The following TAF4B variants were observed in gnomAD, a reference collection of about 807,000 sequenced individuals.
TAF4B encodes the protein transcription initiation factor TFIID subunit 4B.
TAF4B carries 38 observed loss-of-function variants against 86.4 expected under a neutral mutation model. The ratio of observed to expected loss-of-function variants is 0.44; its 90% CI spans 0.34 to 0.58. The LOEUF (loss-of-function observed/expected upper bound fraction) is 0.58. Ranked by LOEUF, TAF4B falls within the 20% of genes least tolerant of loss-of-function variation. TAF4B has a pLI of 0.02. For synonymous variants in TAF4B, 388 were observed against 391.2 expected, an observed-to-expected ratio of 0.99 and a Z score of 0.10; for missense variants, 988 against 1,027.6, an observed-to-expected ratio of 0.96 and a Z score of 0.53.
At chr18:26,343,805 G>A (rs2057154760) in intron 13 of TAF4B, among the ~76,000 whole-genome samples, 1 of 152,104 alleles carries the variant, frequency 6.6e-6, no homozygotes, top group Non-Finnish European at 1.5e-5. Context: ...GGATTTTGGT[G>A]TACCTCGGCA....
intron 14 of TAF4B, among the ~76,000 whole-genome samples, chr18:26,381,779 A>C (rs1286177620): frequency 6.6e-6 from 1 of 151,408 alleles, no homozygotes; most frequent in Admixed American, 6.6e-5. Flanking sequence ...ATCCAAACCA[A>C]ATAGTTAATT....
At chr18:26,364,993 A>G (rs545982392) in intron 14 of TAF4B, among the ~76,000 whole-genome samples, 2 of 149,496 alleles carry the variant, frequency 1.3e-5, no homozygotes, top group South Asian at 4.2e-4. Context: ...GCTACTCTAT[A>G]ATTCTATTCT....
chr18:26,321,866 T>G (rs1468178519), intron 11 of TAF4B, among the ~76,000 whole-genome samples: 1 of 152,134 alleles, frequency 6.6e-6, no homozygotes, highest in Non-Finnish European at 1.5e-5. Flanking sequence ...AATGATTGCA[T>G]TGAGTGCTCA....
chr18:26,243,523 A>G (rs534816469), intron 1 of TAF4B, among the ~76,000 whole-genome samples: 15 of 152,144 alleles, frequency 9.9e-5, no homozygotes, highest in Non-Finnish European at 2.2e-4. Context: ...AGTGGGTTCA[A>G]ACATCCTCCT....
chr18:26,302,313 G>A (rs1376106344), intron 9 of TAF4B, among the ~76,000 whole-genome samples: 1 of 150,330 alleles, frequency 6.7e-6, no homozygotes, highest in Non-Finnish European at 1.5e-5. Flanking sequence ...GATCCTTCTG[G>A]AGATCACAAA....
At chr18:26,250,421 C>T (rs900682284) in intron 1 of TAF4B, among the ~76,000 whole-genome samples, 46 of 151,352 alleles carry the variant, frequency 3.0e-4, no homozygotes, top group African/African-American at 9.9e-4. Flanking sequence ...AGCGTGAACC[C>T]GGGAGGCGGA....
At chr18:26,355,766 G>A (rs534907590) in intron 13 of TAF4B, among the ~76,000 whole-genome samples, 1 of 152,298 alleles carries the variant, frequency 6.6e-6, no homozygotes, top group East Asian at 1.9e-4. Context: ...CTTGTTGTTT[G>A]ATTTGTACTG....
chr18:26,332,503 CT>C (rs1226025372), intron 12 of TAF4B, among the ~76,000 whole-genome samples: 1 of 152,082 alleles, frequency 6.6e-6, no homozygotes, highest in Non-Finnish European at 1.5e-5. Context: ...CATCTCACCC[CT>C]GTGCTCCAAA....
At chr18:26,313,904 G>T (rs2056876456) in intron 9 of TAF4B, among the ~76,000 whole-genome samples, 1 of 151,994 alleles carries the variant, frequency 6.6e-6, no homozygotes, top group Admixed American at 6.6e-5. Flanking sequence ...CTCACCTAAA[G>T]CAATCCTCCC....
At chr18:26,381,812 T>C (rs1361812697) in intron 14 of TAF4B, among the ~76,000 whole-genome samples, 6 of 152,098 alleles carry the variant, frequency 3.9e-5, no homozygotes, top group African/African-American at 1.4e-4. Context: ...CCATCCTTTG[T>C]GCTATTGTTG....
At chr18:26,364,784 A>G (rs755643050) in intron 14 of TAF4B, among the ~76,000 whole-genome samples, 3 of 152,176 alleles carry the variant, frequency 2.0e-5, no homozygotes, top group African/African-American at 2.4e-5. Context: ...ACTAACATAA[A>G]TAAATGAAGC....
At chr18:26,389,130 A>G (rs1198982380) in intron 14 of TAF4B, among the ~76,000 whole-genome samples, 1 of 152,100 alleles carries the variant, frequency 6.6e-6, no homozygotes, top group Non-Finnish European at 1.5e-5. Flanking sequence ...CTTTAGGTCA[A>G]ATTAGAAACT....
At chr18:26,336,314 C>T (rs2057090882) in intron 13 of TAF4B, among the ~76,000 whole-genome samples, 1 of 152,160 alleles carries the variant, frequency 6.6e-6, no homozygotes, top group Non-Finnish European at 1.5e-5. Flanking sequence ...TGTTGCTTAA[C>T]ATTGCTGCAG....
At chr18:26,327,414 TC>T (rs1425674559) in intron 12 of TAF4B, among the ~76,000 whole-genome samples, 4 of 152,110 alleles carry the variant, frequency 2.6e-5, no homozygotes, top group Admixed American at 2.0e-4. Flanking sequence ...AATTTCAGGG[TC>T]TTTTTAGGAA....
At chr18:26,345,338 G>T (rs145971076) in intron 13 of TAF4B, among the ~76,000 whole-genome samples, 5 of 152,270 alleles carry the variant, frequency 3.3e-5, no homozygotes, top group South Asian at 2.1e-4. Flanking sequence ...TGTGTTTTTC[G>T]CAAAAGTAAC....
intron 7 of TAF4B, 125 bp downstream of exon 7, chr18:26,286,624 T>G (rs2056527196): frequency 7.8e-6 from 8 of 1,030,646 alleles, no homozygotes; most frequent in Admixed American, 6.4e-5. Context: ...CAATTAATTT[T>G]TTTTTTTTTT....
intron 9 of TAF4B, among the ~76,000 whole-genome samples, chr18:26,306,913 G>A (rs1390472055): frequency 6.6e-6 from 1 of 152,006 alleles, no homozygotes; most frequent in Admixed American, 6.6e-5. Context: ...GAGTAGCTGG[G>A]TCTACAGGCA....
At chr18:26,371,135 T>TC (rs1555626180) in intron 14 of TAF4B, among the ~76,000 whole-genome samples, 1 of 150,270 alleles carries the variant, frequency 6.7e-6, no homozygotes, top group African/African-American at 2.4e-5. Flanking sequence ...AACAGAATGT[T>TC]AAAAAAAAAA....
chr18:26,249,767 G>A (rs1243030948), intron 1 of TAF4B, among the ~76,000 whole-genome samples: 5 of 151,906 alleles, frequency 3.3e-5, no homozygotes, highest in African/African-American at 9.7e-5. Context: ...CTTTCGCCTA[G>A]GCTGGAGTGC....
Sources: allele counts gnomAD v4.1 joint callset (sites outside exome capture counted in the v4.1 genomes callset), GRCh38; gene constraint gnomAD v4.1.1; transcripts MANE v1.5; gene names NCBI Gene and HGNC (gene_info 2026-07-23, HGNC 2026-07-21).